The following ARFGEF3 variants were observed in gnomAD, a reference collection of about 807,000 sequenced individuals.
ARFGEF3 encodes the protein ARFGEF family member 3, also known as brefeldin A-inhibited guanine nucleotide-exchange protein 3.
ARFGEF3 carries 96 observed loss-of-function variants against 221.7 expected under a neutral mutation model. That is an observed-to-expected ratio of 0.43 (90% CI 0.37 to 0.51). ARFGEF3 has a LOEUF of 0.51. Ranked by LOEUF, ARFGEF3 falls within the 20% of genes least tolerant of loss-of-function variation. The pLI is 0.00. For synonymous variants in ARFGEF3, 1,145 were observed against 1,126.8 expected (o/e 1.02, Z -0.32); for missense variants, 2,410 against 2,789.9 (o/e 0.86, Z 3.07).
rs147130144 is a variant in ARFGEF3, at chr6:138,245,029, C to T, written c.587-484C>T. Among the ~76,000 whole-genome samples the T allele has an allele frequency of 3.1e-3, 465 of 152,238 alleles. 1 individual carries two copies. The highest frequency in any genetic ancestry group is 5.9e-3 in the Non-Finnish European group (399 of 68,016). ...AGAAAGAATAATTATAAGCCAGGCG[C>T]GGTGGTTCATGTCTGTAATCCCAAC... On this transcript the variant is annotated intron_variant, in intron 7 of 33. Coordinates refer to ENST00000251691, the MANE Select transcript of ARFGEF3 (RefSeq NM_020340.5).
rs1218848694 is a variant in ARFGEF3 at position 138,162,681 on chromosome 6, G to A, written c.85+510G>A. Reference sequence around the variant, plus strand: ...TGCACATGAAAAATAACATACGGGCGGGGATCATGTTACCTCTGCAATTCT... The same window carrying A: ...TGCACATGAAAAATAACATACGGGCAGGGATCATGTTACCTCTGCAATTCT... On this transcript the variant is annotated intron_variant, in intron 1 of 33. Coordinates refer to ENST00000251691, the MANE Select transcript of ARFGEF3 (RefSeq NM_020340.5). This position sits in a 1 kb window ranked among gnomAD's most constrained non-coding sequence, Gnocchi z 4.7. Among the ~76,000 whole-genome samples, 1 of 152,176 alleles carries A rather than the reference G, an allele frequency of 6.6e-6. No individual in the cohort carries two copies. The highest frequency in any genetic ancestry group is 2.4e-5 in the African/African-American group (1 of 41,432).
At chr6:138,284,669 G>A (rs569725207) in intron 14 of ARFGEF3, among the ~76,000 whole-genome samples, 1 of 152,366 alleles carries the variant, frequency 6.6e-6, no homozygotes, top group Admixed American at 6.5e-5. Flanking sequence ...GAATGGTATA[G>A]AGAGGCCTGG....
In ARFGEF3 at chr6:138,335,247, C is replaced by T. The variant is rs556132610; in HGVS notation, c.6342+59C>T. The T allele has an allele frequency of 1.2e-3, 1,789 of 1,446,000 alleles. 10 individuals carry two copies. Among genetic ancestry groups the T allele is most frequent in the South Asian group, 7.0e-3 (483 of 68,556 alleles). 89.6% of individuals were successfully genotyped at this position (1,446,000 alleles called of 1,614,324 possible). ...GGCTGGGTTTCCAGTACTGGATGGGCCCCCCCTTGCAGAGCAGGCATACAC... is the reference window on the plus strand; with the variant it reads ...GGCTGGGTTTCCAGTACTGGATGGGTCCCCCCTTGCAGAGCAGGCATACAC... On this transcript the variant is annotated intron_variant, in intron 33 of 33. Transcript: ENST00000251691.
At chr6:138,176,415 T>A (rs1776948373) in intron 2 of ARFGEF3, among the ~76,000 whole-genome samples, 1 of 152,122 alleles carries the variant, frequency 6.6e-6, no homozygotes, top group Admixed American at 6.5e-5. Context: ...ATGCCTGACC[T>A]CGTGATCCAC....
chr6:138,254,729 A>G (rs1326118485), intron 9 of ARFGEF3, among the ~76,000 whole-genome samples: 1 of 152,170 alleles, frequency 6.6e-6, no homozygotes, highest in African/African-American at 2.4e-5. Flanking sequence ...AATATATAAT[A>G]ATAATAAAGC....
chr6:138,250,200 C>T (rs1481751602), intron 8 of ARFGEF3, among the ~76,000 whole-genome samples: 1 of 152,150 alleles, frequency 6.6e-6, no homozygotes, highest in Non-Finnish European at 1.5e-5. Flanking sequence ...TCATGATATG[C>T]TTGGACTCTT....
intron 31 of ARFGEF3, among the ~76,000 whole-genome samples, chr6:138,326,305 G>A (rs370758294): frequency 2.0e-5 from 3 of 152,072 alleles, no homozygotes; most frequent in Admixed American, 6.6e-5. Context: ...TAGTCTTGCC[G>A]GGCATGGTGG....
intron 2 of ARFGEF3, among the ~76,000 whole-genome samples, chr6:138,191,780 T>C (rs1199246590): frequency 6.6e-6 from 1 of 152,230 alleles, no homozygotes; most frequent in African/African-American, 2.4e-5. Context: ...TCTTCTCTAC[T>C]TCGTTTGCAT....
At chr6:138,273,282 G>A (rs1027305302) in intron 12 of ARFGEF3, among the ~76,000 whole-genome samples, 3 of 152,184 alleles carry the variant, frequency 2.0e-5, no homozygotes, top group African/African-American at 7.2e-5. Flanking sequence ...CAAAAAAGAA[G>A]TACCAAATTC....
Position 138,207,056 on chromosome 6 carries a change from T to A in ARFGEF3, c.152T>A (p.Leu51Gln). 10 of 1,610,094 alleles carry A rather than the reference T, an allele frequency of 6.2e-6. No homozygotes were observed. Among genetic ancestry groups the A allele is most frequent in the Non-Finnish European group, 7.6e-6 (9 of 1,178,332 alleles). ...PPHVLREKCL[L>Q]PLQLALESKN... ...GTGTTTGCCAGGGAGAAATGCCTGC[T>A]GCCTCTCCAGTTGGCTTTGGAATCC... Residue 51 changes from leucine (L) to glutamine (Q), a missense_variant, in exon 3 of 34, where the codon CTG becomes CAG. By Grantham distance (113) the Leu-to-Gln change is moderately radical. Transcript: ENST00000251691.
intron 12 of ARFGEF3, 148 bp from the exon 13 acceptor site, chr6:138,278,303 C>G: frequency 7.8e-6 from 6 of 770,866 alleles, no homozygotes; most frequent in Admixed American, 2.2e-5. Flanking sequence ...GTATCTGGCC[C>G]TAAGGATATT....
chr6:138,248,443 CA>C (rs1009387389), intron 8 of ARFGEF3, among the ~76,000 whole-genome samples: 1 of 152,082 alleles, frequency 6.6e-6, no homozygotes, highest in Non-Finnish European at 1.5e-5. Context: ...ACCAGAACTA[CA>C]AAAAATATAA....
At position 138,220,652 on chromosome 6, in the gene ARFGEF3, C is replaced by T. The variant is rs148186858; in HGVS notation, c.352-9132C>T. On this transcript the variant is annotated intron_variant, in intron 4 of 33. Transcript: ENST00000251691. ...AAAAAATAAGTCTTTTCCACTCAAC[C>T]TTTGGGTGCAAGTTCTAATACACTT... 5.4e-3 allele frequency among the ~76,000 whole-genome samples: 822 copies of T among 152,260 alleles called. 6 individuals carry two copies. The highest frequency in any genetic ancestry group is 0.018 in the African/African-American group (764 of 41,536).
intron 2 of ARFGEF3, among the ~76,000 whole-genome samples, chr6:138,185,418 C>G (rs1777163325): frequency 6.6e-6 from 1 of 152,150 alleles, no homozygotes. Context: ...CTAACTGATG[C>G]ACCCTCCCTA....
chr6:138,319,583 T>A (rs1410137479), intron 27 of ARFGEF3, 120 bp from the exon 28 acceptor site: 4 of 701,032 alleles, frequency 5.7e-6, no homozygotes, highest in Non-Finnish European at 9.4e-6. Context: ...AGTAAATTAT[T>A]TTTCCCTGCA....
At chr6:138,167,398 G>A (rs1206536437) in intron 1 of ARFGEF3, among the ~76,000 whole-genome samples, 1 of 152,144 alleles carries the variant, frequency 6.6e-6, no homozygotes, top group East Asian at 1.9e-4. Context: ...TTAGCTACCT[G>A]CTGAACATCT....
At chr6:138,254,831 G>T (rs1319272890) in intron 9 of ARFGEF3, among the ~76,000 whole-genome samples, 1 of 152,212 alleles carries the variant, frequency 6.6e-6, no homozygotes, top group African/African-American at 2.4e-5. Flanking sequence ...GCCGTCTTTG[G>T]TTTATATCAT....
intron 3 of ARFGEF3, among the ~76,000 whole-genome samples, chr6:138,208,734 A>G (rs1777667009): frequency 6.6e-6 from 1 of 152,204 alleles, no homozygotes; most frequent in Non-Finnish European, 1.5e-5. Context: ...GTGACAACCA[A>G]CTAAGCTCAT....
chr6:138,321,232 A>G lies in ARFGEF3; in HGVS notation c.4766+7A>G. The G allele has an allele frequency of 1.4e-6, 2 of 1,430,058 alleles. No individual in the cohort carries two copies. Among genetic ancestry groups the G allele is most frequent in the Non-Finnish European group, 1.9e-6 (2 of 1,045,738 alleles). The allele number at this position is 1,430,058 out of a possible 1,614,324, so 88.6% of individuals were successfully genotyped here. A position where few individuals can be genotyped will look rare whatever the true frequency, so the allele number is the denominator to read the frequency against. ...TGGGCTGCTCCTGTATTAGGTGAGGAAATGCTTTCCTGACTCTCCACAAAG... is the reference window on the plus strand; with the variant it reads ...TGGGCTGCTCCTGTATTAGGTGAGGGAATGCTTTCCTGACTCTCCACAAAG... On this transcript the variant is annotated splice_region_variant and intron_variant, in intron 29 of 33. Transcript: ENST00000251691.
Sources: allele counts gnomAD v4.1 joint callset (sites outside exome capture counted in the v4.1 genomes callset), GRCh38; gene constraint gnomAD v4.1.1; non-coding constraint Gnocchi (gnomAD v3.1); transcripts MANE v1.5; gene names NCBI Gene and HGNC (gene_info 2026-07-23, HGNC 2026-07-21).